RPA3: variants seen among roughly 807,000 people sequenced by gnomAD.
RPA3 encodes the protein replication protein A3.
In RPA3, 24 loss-of-function variants were observed where a neutral mutation model predicts 13.7. That is an observed-to-expected ratio of 1.75 (90% CI 1.27 to 2.46). The LOEUF is 2.46. Among genes scored for constraint, RPA3 ranks in the 30% most tolerant of loss-of-function variants. The probability of loss-of-function intolerance (pLI) is 0.00; values close to 1 mark genes in which losing one functional copy is unlikely to be tolerated. For missense variants in RPA3, 183 were observed against 151.0 expected (o/e 1.21, Z -1.11); for synonymous variants, 59 against 51.2 (o/e 1.15, Z -0.65).
intron 4 of RPA3, chr7:7,641,495 A>C (rs1392447362): frequency 1.3e-5 from 2 of 151,998 alleles, no homozygotes; most frequent in Non-Finnish European, 2.9e-5. Context: ...CATATGTTTG[A>C]CTCAACAGTT....
At position 7,640,673 on chromosome 7, in the gene RPA3, G is replaced by T; in HGVS notation, c.-255C>A. On this transcript the variant is annotated 5_prime_UTR_variant, in exon 5 of 8. Coordinates refer to ENST00000223129, the MANE Select transcript of RPA3 (RefSeq NM_002947.5). ...CGTCCCGGAAGTTGACAGATACAGGGCGAGAGGCAGTGGAGGCGGGACTTG... is the reference window on the plus strand; with the variant it reads ...CGTCCCGGAAGTTGACAGATACAGGTCGAGAGGCAGTGGAGGCGGGACTTG... 2.0e-6 allele frequency: 1 copy of T among 490,856 alleles called. No individual in the cohort carries two copies. Among genetic ancestry groups the T allele is most frequent in the East Asian group, 3.7e-5 (1 of 26,746 alleles). The allele number at this position is 490,856 out of a possible 1,614,324, so 30.4% of individuals were successfully genotyped here. A position where few individuals can be genotyped will look rare whatever the true frequency, so the allele number is the denominator to read the frequency against.
chr7:7,685,733 C>G (rs1485249455), intron 4 of RPA3, 97 bp downstream of exon 4: 1 of 152,154 alleles, frequency 6.6e-6, no homozygotes, highest in Non-Finnish European at 1.5e-5. Context: ...CCGTACTATT[C>G]TAAAGCTTTT....
At chr7:7,713,476 C>T (rs1018030579) in intron 2 of RPA3, among the ~76,000 whole-genome samples, 1 of 151,910 alleles carries the variant, frequency 6.6e-6, no homozygotes, top group Non-Finnish European at 1.5e-5. Context: ...TCCTCCCCCC[C>T]ATGGCAATAT....
At chr7:7,671,817 G>T (rs986751395) in intron 4 of RPA3, among the ~76,000 whole-genome samples, 27 of 151,686 alleles carry the variant, frequency 1.8e-4, no homozygotes, top group Non-Finnish European at 5.9e-5. Flanking sequence ...CTTTTCTTTT[G>T]TATCTATTAC....
At chr7:7,666,460 A>G (rs1779459283) in intron 4 of RPA3, among the ~76,000 whole-genome samples, 1 of 151,978 alleles carries the variant, frequency 6.6e-6, no homozygotes, top group Non-Finnish European at 1.5e-5. Context: ...TGCCTACCTC[A>G]GCCTCCCAAA....
chr7:7,664,054 A>G (rs1779369002), intron 4 of RPA3, among the ~76,000 whole-genome samples: 1 of 152,198 alleles, frequency 6.6e-6, no homozygotes, highest in Non-Finnish European at 1.5e-5. Flanking sequence ...GAGGATTTCT[A>G]CCATCTGCAC....
Position 7,640,724 on chromosome 7 carries a change from T to G in RPA3, c.-306A>C. ...GATAGGGGCGGAACCTGAGACTACC[T>G]TTCTGCGATCACAGGATTCCCGGCG... On this transcript the variant is annotated 5_prime_UTR_variant, in exon 5 of 8. Transcript: ENST00000223129. 1 of 318,116 alleles carries G rather than the reference T, an allele frequency of 3.1e-6. No individual in the cohort carries two copies. The allele number at this position is 318,116 out of a possible 1,614,324, so 19.7% of individuals were successfully genotyped here. A position where few individuals can be genotyped will look rare whatever the true frequency, so the allele number is the denominator to read the frequency against.
chr7:7,715,603 A>AT (rs1304779930), intron 1 of RPA3, among the ~76,000 whole-genome samples: 1 of 152,204 alleles, frequency 6.6e-6, no homozygotes, highest in Non-Finnish European at 1.5e-5. Flanking sequence ...TTTCATTCAA[A>AT]TGAGGATAAA....
chr7:7,650,212 G>A (rs1031198765), intron 4 of RPA3, among the ~76,000 whole-genome samples: 4 of 152,106 alleles, frequency 2.6e-5, no homozygotes, highest in East Asian at 1.9e-4. Context: ...TTACGTTCTT[G>A]TAACTCTGCC....
intron 4 of RPA3, among the ~76,000 whole-genome samples, chr7:7,657,561 A>C (rs1037570085): frequency 6.6e-6 from 1 of 152,150 alleles, no homozygotes; most frequent in Non-Finnish European, 1.5e-5. Flanking sequence ...AGCATTTATT[A>C]CATAGGGAGT....
chr7:7,679,990 G>T (rs905567759), intron 4 of RPA3, among the ~76,000 whole-genome samples: 1 of 152,016 alleles, frequency 6.6e-6, no homozygotes, highest in Non-Finnish European at 1.5e-5. Context: ...TCTGTGGGTT[G>T]TCTCTTTACT....
At chr7:7,639,210 C>T in intron 5 of RPA3, 66 bp from the exon 6 acceptor site, 2 of 1,204,530 alleles carry the variant, frequency 1.7e-6, no homozygotes, top group Non-Finnish European at 2.4e-6. Flanking sequence ...AAGATGAGTA[C>T]ATTGATCCTT....
chr7:7,648,727 C>T (rs75732714), intron 4 of RPA3, among the ~76,000 whole-genome samples: 439 of 151,982 alleles, frequency 2.9e-3, no homozygotes, highest in African/African-American at 0.01. Flanking sequence ...GGTGTGTGTG[C>T]CTGTGGTCCT....
chr7:7,647,839 A>G (rs1785132237), intron 4 of RPA3, among the ~76,000 whole-genome samples: 1 of 152,202 alleles, frequency 6.6e-6, no homozygotes, highest in African/African-American at 2.4e-5. Context: ...TGCTAGGCTC[A>G]AGCAAGCCTC....
intron 2 of RPA3, chr7:7,689,238 T>C (rs1780114536): frequency 6.6e-6 from 1 of 152,200 alleles, no homozygotes; most frequent in Admixed American, 6.6e-5. Flanking sequence ...CATGGGCAGA[T>C]ACAGACAGAA....
intron 4 of RPA3, among the ~76,000 whole-genome samples, chr7:7,658,611 G>A (rs897650471): frequency 2.0e-5 from 3 of 152,090 alleles, no homozygotes; most frequent in African/African-American, 4.8e-5. Flanking sequence ...GCTGGATTAC[G>A]TTTATTGATT....
chr7:7,701,731 C>T (rs1038127978), intron 2 of RPA3, among the ~76,000 whole-genome samples: 1 of 152,128 alleles, frequency 6.6e-6, no homozygotes, highest in African/African-American at 2.4e-5. Context: ...ATCTGTTTAT[C>T]AGTTCCCCTT....
chr7:7,648,483 A>G (rs1368838266), intron 4 of RPA3, among the ~76,000 whole-genome samples: 1 of 152,130 alleles, frequency 6.6e-6, no homozygotes, highest in Non-Finnish European at 1.5e-5. Context: ...GATTGTGGCT[A>G]CTGATGTATT....
chr7:7,638,827 G>C (rs1264789488), intron 6 of RPA3: 1 of 363,484 alleles, frequency 2.8e-6, no homozygotes, highest in Non-Finnish European at 4.9e-6. Context: ...TAAGGAATGA[G>C]AATTGTTATC....
Sources: gnomAD v4.1 joint callset for allele counts (sites outside exome capture counted in the v4.1 genomes callset) on GRCh38, gnomAD v4.1.1 for gene constraint, MANE v1.5 for transcripts, NCBI Gene and HGNC (gene_info 2026-07-23, HGNC 2026-07-21) for gene names.